Variants in PCDHGB1 observed in about 807,000 individuals in gnomAD.
The protein encoded by PCDHGB1 is protocadherin gamma-B1.
In PCDHGB1, 34 loss-of-function variants were observed where a neutral mutation model predicts 56.6. The ratio of observed to expected loss-of-function variants is 0.60; its 90% confidence interval spans 0.46 to 0.80. The LOEUF (loss-of-function observed/expected upper bound fraction) is 0.80. Among genes scored for constraint, PCDHGB1 ranks in the 30% least tolerant of loss-of-function variants. PCDHGB1 has a pLI of 0.00. For missense variants in PCDHGB1, 1,278 were observed against 1,204.6 expected (o/e 1.06, Z -0.90); for synonymous variants, 561 against 505.9 (o/e 1.11, Z -1.46).
In PCDHGB1 at chr5:141,490,108, C is replaced by A; in HGVS notation, c.2410-4699C>A. The A allele has an allele frequency of 6.2e-7, 1 of 1,614,244 alleles. No homozygotes were observed. The highest frequency in any genetic ancestry group is 8.5e-7 in the Non-Finnish European group (1 of 1,180,034). On this transcript the variant is annotated intron_variant, in intron 1 of 3. Transcript: ENST00000523390. This position sits in a 1 kb window ranked among gnomAD's most constrained non-coding sequence, Gnocchi z 5.4. The stretch of plus-strand genomic sequence containing the variant: ...TGGAGACCACACATCTGAGGCAGTG[C>A]GGAACCTCTTTGGCCTAGACCCTAG...
intron 1 of PCDHGB1, among the ~76,000 whole-genome samples, chr5:141,353,205 C>A (rs1014570316): frequency 2.0e-5 from 3 of 152,184 alleles, no homozygotes; most frequent in Admixed American, 6.5e-5. Flanking sequence ...CTAAAGAGAC[C>A]TGTTTCCTAG....
chr5:141,465,483 A>T (rs1279787337), intron 1 of PCDHGB1, among the ~76,000 whole-genome samples: 1 of 152,236 alleles, frequency 6.6e-6, no homozygotes, highest in Non-Finnish European at 1.5e-5. Flanking sequence ...TCATGAGAGG[A>T]ATGAGCGGGA....
Position 141,418,262 on chromosome 5 carries a change from A to G in PCDHGB1, c.2409+65593A>G. On this transcript the variant is annotated intron_variant, in intron 1 of 3. Transcript: ENST00000523390. Reference sequence around the variant, plus strand: ...TAATGACCACGCCCCTCAATTCCGGAAAGATGAAATAAACTTAGAAATCAG... The same window carrying G: ...TAATGACCACGCCCCTCAATTCCGGGAAGATGAAATAAACTTAGAAATCAG... 2 of 1,614,068 alleles carry G rather than the reference A, an allele frequency of 1.2e-6. No homozygotes were observed. The highest frequency in any genetic ancestry group is 1.7e-6 in the Non-Finnish European group (2 of 1,179,902).
At chr5:141,371,067 A>G (rs763857858) in intron 1 of PCDHGB1, 8 of 1,613,868 alleles carry the variant, frequency 5.0e-6, no homozygotes, top group Non-Finnish European at 6.8e-6. Flanking sequence ...CAGAAGCTGT[A>G]CCACCCAGAT....
At chr5:141,455,860 ATTATTTATTTATTTATTTATTTAT>A (rs145569377) in intron 1 of PCDHGB1, among the ~76,000 whole-genome samples, 10 of 139,848 alleles carry the variant, frequency 7.2e-5, no homozygotes, top group Admixed American at 5.1e-4. Flanking sequence ...AATTTCTTTT[ATTATTTATTTATTTATTTATTTAT>A]TTATTTATTT....
At chr5:141,410,846 TGTC>T (rs1025068052) in intron 1 of PCDHGB1, 5 of 423,660 alleles carry the variant, frequency 1.2e-5, no homozygotes, top group South Asian at 4.0e-5. Flanking sequence ...ATTTTGTCTT[TGTC>T]TTTTTTTTTT....
intron 1 of PCDHGB1, chr5:141,395,398 T>C (rs976008795): frequency 1.2e-6 from 1 of 863,780 alleles, no homozygotes; most frequent in East Asian, 2.8e-5. Context: ...TGAACTCTAA[T>C]AGTCATAGGT....
intron 1 of PCDHGB1, among the ~76,000 whole-genome samples, chr5:141,353,197 A>G (rs1353088425): frequency 2.0e-5 from 3 of 152,150 alleles, no homozygotes; most frequent in Non-Finnish European, 4.4e-5. Flanking sequence ...AAATCTTGCT[A>G]AAGAGACCTG....
At chr5:141,385,066 C>G in intron 1 of PCDHGB1, 1 of 1,614,194 alleles carries the variant, frequency 6.2e-7, no homozygotes, top group Non-Finnish European at 8.5e-7. Context: ...GCACAAGTCA[C>G]GCCTGCTGCA....
rs1554175372 is a variant in PCDHGB1, at chr5:141,490,827, G to A, written c.2410-3980G>A. ...CCTTTGACTATGAATTGCTGCAGAT[G>A]CTGCAGATTGTGGTGGGGGTTCGAG... On this transcript the variant is annotated intron_variant, in intron 1 of 3. Transcript: ENST00000523390. This position sits in a 1 kb window ranked among gnomAD's most constrained non-coding sequence, Gnocchi z 5.4. 1 of 1,613,744 alleles carries A rather than the reference G, an allele frequency of 6.2e-7. No individual in the cohort carries two copies. Among genetic ancestry groups the A allele is most frequent in the Non-Finnish European group, 8.5e-7 (1 of 1,179,828 alleles).
chr5:141,395,886 C>A (rs538799478), intron 1 of PCDHGB1: 1 of 152,168 alleles, frequency 6.6e-6, no homozygotes, highest in East Asian at 1.9e-4. Context: ...TCAGTGGTCA[C>A]CTGGGCTCCA....
intron 1 of PCDHGB1, chr5:141,403,482 A>G (rs764737675): frequency 5.0e-6 from 8 of 1,613,774 alleles, no homozygotes; most frequent in Non-Finnish European, 6.8e-6. Context: ...CCCAATCACC[A>G]CTTCTCCCTG....
At chr5:141,430,687 T>A in intron 1 of PCDHGB1, 3 of 1,399,922 alleles carry the variant, frequency 2.1e-6, no homozygotes, top group Non-Finnish European at 9.5e-7. Flanking sequence ...TGTCCCATTC[T>A]ATGGGCGAAG....
intron 1 of PCDHGB1, among the ~76,000 whole-genome samples, chr5:141,494,072 C>G (rs2099751672): frequency 6.6e-6 from 1 of 152,160 alleles, no homozygotes; most frequent in Non-Finnish European, 1.5e-5. Flanking sequence ...CTGGATCCCT[C>G]CCCGCTGCAT....
At chr5:141,356,615 T>C (rs1760275066) in intron 1 of PCDHGB1, 1 of 1,614,194 alleles carries the variant, frequency 6.2e-7, no homozygotes, top group African/African-American at 1.3e-5. Flanking sequence ...GCCTCCATCT[T>C]ATCTATGACT....
intron 1 of PCDHGB1, chr5:141,398,169 G>T (rs2093619628): frequency 5.4e-6 from 8 of 1,477,440 alleles, no homozygotes; most frequent in Admixed American, 2.6e-5. Flanking sequence ...CTGAGAGGCT[G>T]CCAGTGCTCT....
intron 1 of PCDHGB1, among the ~76,000 whole-genome samples, chr5:141,482,530 C>CAAAAAAAAAAAAA (rs3074545): frequency 3.9e-5 from 3 of 76,560 alleles, no homozygotes; most frequent in African/African-American, 9.6e-5. Context: ...GACAGACATG[C>CAAAAAAAAAAAAA]AAAAAAAAAA....
chr5:141,467,554 T>A (rs2099145880), intron 1 of PCDHGB1, among the ~76,000 whole-genome samples: 1 of 152,238 alleles, frequency 6.6e-6, no homozygotes. Flanking sequence ...TATATCTTTT[T>A]TCCCAAATGG....
intron 1 of PCDHGB1, among the ~76,000 whole-genome samples, chr5:141,469,803 A>G (rs1326367314): frequency 6.6e-6 from 1 of 152,174 alleles, no homozygotes; most frequent in Non-Finnish European, 1.5e-5. Context: ...TTGCAAAAAC[A>G]TTGTAGATAG....
Sources: allele counts gnomAD v4.1 joint callset (sites outside exome capture counted in the v4.1 genomes callset), GRCh38; gene constraint gnomAD v4.1.1; non-coding constraint Gnocchi (gnomAD v3.1); transcripts MANE v1.5; gene names NCBI Gene and HGNC (gene_info 2026-07-23, HGNC 2026-07-21).